The following PIK3C2B variants were observed in gnomAD, a reference collection of about 807,000 sequenced individuals.
PIK3C2B encodes phosphatidylinositol-4-phosphate 3-kinase catalytic subunit type 2 beta, also known as phosphatidylinositol 4-phosphate 3-kinase C2 domain-containing subunit beta.
A neutral mutation model predicts 184.3 loss-of-function variants in PIK3C2B; 83 were observed. The ratio of observed to expected loss-of-function variants is 0.45; its 90% confidence interval spans 0.38 to 0.54. PIK3C2B has a LOEUF of 0.54. Among genes scored for constraint, PIK3C2B ranks in the 20% least tolerant of loss-of-function variants. PIK3C2B has a pLI of 0.00. For synonymous variants in PIK3C2B, 779 were observed against 837.6 expected (o/e 0.93, Z 1.21); for missense variants, 1,736 against 2,113.5 (o/e 0.82, Z 3.50).
intron 12 of PIK3C2B, among the ~76,000 whole-genome samples, chr1:204,454,034 C>G (rs1176183491): frequency 1.3e-5 from 2 of 151,876 alleles, no homozygotes; most frequent in Non-Finnish European, 2.9e-5. Context: ...CTCGGCCTCC[C>G]AAAGCGCTGG....
At chr1:204,427,141 A>T (rs1036815524) in intron 31 of PIK3C2B, among the ~76,000 whole-genome samples, 4 of 152,108 alleles carry the variant, frequency 2.6e-5, no homozygotes, top group Non-Finnish European at 5.9e-5. Context: ...CATTTCAAAA[A>T]AAAAAAAAAG....
chr1:204,488,512 G>A (rs1372024617), intron 1 of PIK3C2B, among the ~76,000 whole-genome samples: 2 of 152,200 alleles, frequency 1.3e-5, no homozygotes, highest in Non-Finnish European at 2.9e-5. Context: ...AGTGAACTAA[G>A]TTTTCTCAGA....
intron 1 of PIK3C2B, among the ~76,000 whole-genome samples, chr1:204,481,822 A>C (rs935845880): frequency 3.3e-5 from 5 of 152,166 alleles, no homozygotes; most frequent in Admixed American, 6.5e-5. Flanking sequence ...TCCCTAAATC[A>C]GGAAGGTGTA....
chr1:204,427,066 G>A (rs1477307493), intron 31 of PIK3C2B, among the ~76,000 whole-genome samples: 2 of 152,038 alleles, frequency 1.3e-5, no homozygotes, highest in Non-Finnish European at 2.9e-5. Flanking sequence ...GAACCCAGGA[G>A]GCGGAGGTTG....
rs778271133 is a variant in PIK3C2B, at chr1:204,469,097, T to C, written c.706A>G (p.Thr236Ala). ...TAGGTCGATTTCAAGTTGAGCCTAGTAATTGCATCATTGATACCATCATAG... is the reference window on the plus strand; with the variant it reads ...TAGGTCGATTTCAAGTTGAGCCTAGCAATTGCATCATTGATACCATCATAG... The part of the protein sequence containing the change: ...VDYDGINDAI[T>A]RLNLKSTYDA... The change falls in exon 2 of 33, where the codon ACT becomes GCT. Residue 236 changes from threonine (T) to alanine (A), a missense_variant. Around this residue, in one of 8 missense-constraint regions of PIK3C2B, gnomAD observed 404 missense variants for 418.0 expected, o/e 0.97. Transcript: ENST00000684373. 4 of 1,614,202 alleles carry C rather than the reference T, an allele frequency of 2.5e-6. No individual in the cohort carries two copies. Among genetic ancestry groups the C allele is most frequent in the Admixed American group, 1.7e-5 (1 of 60,030 alleles).
chr1:204,433,959 G>C lies in PIK3C2B; in HGVS notation c.3687-10C>G, dbSNP rs1469727208. The C allele has an allele frequency of 6.2e-7, 1 of 1,612,926 alleles. No individual in the cohort carries two copies. The highest frequency in any genetic ancestry group is 8.5e-7 in the Non-Finnish European group (1 of 1,179,360). ...AAAGGGGGCACGGTCCCTGAGCCAA[G>C]GGGAACATACAGGTAGAAGGTCAAC... On this transcript the variant is annotated splice_polypyrimidine_tract_variant and intron_variant, in intron 24 of 32. Coordinates refer to ENST00000684373, the MANE Select transcript of PIK3C2B (RefSeq NM_001377334.1). The surrounding 1 kb of genome is among the most constrained non-coding windows in gnomAD (Gnocchi z 5.0).
At position 204,430,044 on chromosome 1, in the gene PIK3C2B, GTGGCAGCGT is replaced by G; in HGVS notation, c.4281-15_4281-7del. ...TCACGAAGCGACTAGGGAAGCTGGC[GTGGCAGCGT>G]AGGCAGCGGGGATGCAGGAGGTGAA... On this transcript the variant is annotated splice_polypyrimidine_tract_variant and splice_region_variant and intron_variant, in intron 28 of 32. Transcript: ENST00000684373. The G allele has an allele frequency of 6.3e-7, 1 of 1,590,668 alleles. No homozygotes were observed. The highest frequency in any genetic ancestry group is 8.6e-7 in the Non-Finnish European group (1 of 1,165,766).
At chr1:204,466,483 G>T (rs545506993) in intron 2 of PIK3C2B, among the ~76,000 whole-genome samples, 5 of 149,078 alleles carry the variant, frequency 3.4e-5, no homozygotes, top group African/African-American at 1.3e-4. Context: ...CATGGGCGGC[G>T]GGGGGTGGGG....
At chr1:204,472,733 G>A (rs1656396102) in intron 1 of PIK3C2B, among the ~76,000 whole-genome samples, 1 of 152,108 alleles carries the variant, frequency 6.6e-6, no homozygotes, top group Non-Finnish European at 1.5e-5. Context: ...TGAGCTGAGA[G>A]TGCATCATTT....
chr1:204,483,953 C>T (rs549132902), intron 1 of PIK3C2B, among the ~76,000 whole-genome samples: 26 of 152,260 alleles, frequency 1.7e-4, no homozygotes, highest in African/African-American at 5.8e-4. Flanking sequence ...AGGGTGTGAC[C>T]GTGTAAGCAT....
At chr1:204,434,324 G>A (rs1675228140) in intron 24 of PIK3C2B, 115 bp downstream of exon 24, 21 of 906,932 alleles carry the variant, frequency 2.3e-5, no homozygotes, top group Non-Finnish European at 3.7e-5. Flanking sequence ...GCTCAGCCCT[G>A]GGACCATGAT....
rs749303478 is a variant in PIK3C2B at position 204,460,598 on chromosome 1, C to A, written c.1374G>T (p.Arg458=). The A allele has an allele frequency of 5.6e-6, 9 of 1,613,974 alleles. No homozygotes were observed. The African/African-American group carries it at 1.1e-4, about 19-fold the overall frequency. The change falls in exon 6 of 33, where the codon CGG becomes CGT. Residue 458 remains arginine, a synonymous_variant. Transcript: ENST00000684373. ...CAACCTTCTGCTCCATCAGCTGTAG[C>A]CGAATGTCAATGTCAAACTTGCGGC... ...QYCRKFDIDI[R]LQLMEQKVVR... is the part of the protein sequence containing the mutation.
chr1:204,475,576 C>A (rs979447573), intron 1 of PIK3C2B, among the ~76,000 whole-genome samples: 3 of 152,116 alleles, frequency 2.0e-5, no homozygotes, highest in Non-Finnish European at 4.4e-5. Context: ...GGTTTTGGAA[C>A]TAACCAGGTT....
At position 204,447,566 on chromosome 1, in the gene PIK3C2B, T is replaced by C; in HGVS notation, c.2359A>G (p.Thr787Ala). The C allele has an allele frequency of 6.2e-7, 1 of 1,604,452 alleles. No homozygotes were observed. The highest frequency in any genetic ancestry group is 8.5e-7 in the Non-Finnish European group (1 of 1,177,194). The change falls in exon 15 of 33, where the codon ACC becomes GCC. Residue 787 changes from threonine (T) to alanine (A), a missense_variant. Around this residue, in one of 8 missense-constraint regions of PIK3C2B, gnomAD observed 609 missense variants for 699.2 expected, o/e 0.87. Coordinates refer to ENST00000684373, the MANE Select transcript of PIK3C2B (RefSeq NM_001377334.1). This position sits in a 1 kb window ranked among gnomAD's most constrained non-coding sequence, Gnocchi z 4.1. Reference protein sequence around the residue: ...DSVILQIDFPTSAFDIKFTSP... With the variant: ...DSVILQIDFPASAFDIKFTSP... ...GTGAACTTGATGTCAAAGGCCGAGG[T>C]GGGGAAGTCAATCTGGGGGATGAGA...
Position 204,425,733 on chromosome 1 carries a change from G to C in PIK3C2B, c.4596C>G (p.Leu1532=), listed in dbSNP as rs1481311892. The change falls in exon 32 of 33, where the codon CTC becomes CTG. Residue 1532 remains leucine (L), a synonymous_variant. Coordinates refer to ENST00000684373, the MANE Select transcript of PIK3C2B (RefSeq NM_001377334.1). ...AGGGGTCAGGGTCATTTCCATCCTG[G>C]AGCAGTTGCTACAATAGAATGAGAA... ...MVMHIRGLQL[L]QDGNDPDPYV... 1 of 1,613,316 alleles carries C rather than the reference G, an allele frequency of 6.2e-7. No homozygotes were observed. The highest frequency in any genetic ancestry group is 2.2e-5 in the East Asian group (1 of 44,868).
chr1:204,464,253 A>T, intron 4 of PIK3C2B, 121 bp from the exon 5 acceptor site: 1 of 1,253,914 alleles, frequency 8.0e-7, no homozygotes, highest in East Asian at 2.3e-5. Flanking sequence ...CAACCAGATA[A>T]AGCAGGCAAG....
intron 2 of PIK3C2B, among the ~76,000 whole-genome samples, chr1:204,467,815 CAG>C (rs1655931947): frequency 1.2e-5 from 1 of 83,410 alleles, no homozygotes; most frequent in Non-Finnish European, 2.4e-5. Flanking sequence ...AGCCTGGTGA[CAG>C]AGTGAGACTC....
chr1:204,478,833 C>T (rs905517871), intron 1 of PIK3C2B, among the ~76,000 whole-genome samples: 1 of 152,202 alleles, frequency 6.6e-6, no homozygotes, highest in African/African-American at 2.4e-5. Flanking sequence ...GGGTCCTAGA[C>T]AATCAGAGGG....
intron 1 of PIK3C2B, among the ~76,000 whole-genome samples, chr1:204,473,542 C>T (rs1238354839): frequency 6.6e-6 from 1 of 152,156 alleles, no homozygotes; most frequent in African/African-American, 2.4e-5. Context: ...ATAGGAGATA[C>T]CAGATAAATG....
Sources: gnomAD v4.1 joint callset for allele counts (sites outside exome capture counted in the v4.1 genomes callset) on GRCh38, gnomAD v4.1.1 for gene constraint, gnomAD v4.1.1 regional missense constraint, Gnocchi (gnomAD v3.1) non-coding constraint, MANE v1.5 for transcripts, NCBI Gene and HGNC (gene_info 2026-07-23, HGNC 2026-07-21) for gene names.